The following ANKRD13C variants were observed in gnomAD, a reference collection of about 807,000 sequenced individuals.
ANKRD13C encodes ankyrin repeat domain-containing protein 13C.
ANKRD13C carries 16 observed loss-of-function variants against 65.5 expected under a neutral mutation model. The observed-to-expected ratio is 0.24, with a 90% confidence interval of 0.17 to 0.37. The LOEUF is 0.37. Among genes scored for constraint, ANKRD13C ranks in the 10% least tolerant of loss-of-function variants. ANKRD13C has a pLI of 1.00. For missense variants in ANKRD13C, 503 were observed against 655.9 expected, an observed-to-expected ratio of 0.77 and a Z score of 2.55; for synonymous variants, 235 against 238.7, an observed-to-expected ratio of 0.98 and a Z score of 0.14.
Position 70,342,723 on chromosome 1 carries a change from AACACACACACACAATAAC to A in ANKRD13C, c.431-6642_431-6625del, listed in dbSNP as rs1488359379. On this transcript the variant is annotated intron_variant, in intron 1 of 12. Transcript: ENST00000370944. ...CCATGCTCCAAATGGTAAAGAAAGA[AACACACACACACAATAAC>A]ACACACACACACACACACACACACA... Among the ~76,000 whole-genome samples, 710 of 147,438 alleles carry A rather than the reference AACACACACACACAATAAC, an allele frequency of 4.8e-3. 5 individuals are homozygous for A. Among genetic ancestry groups the A allele is most frequent in the South Asian group, 0.019 (86 of 4,606 alleles).
chr1:70,292,369 G>T lies in ANKRD13C; in HGVS notation c.1215+19C>A. 6.5e-7 allele frequency: 1 copy of T among 1,536,508 alleles called. No individual in the cohort carries two copies. The highest frequency in any genetic ancestry group is 8.7e-7 in the Non-Finnish European group (1 of 1,146,386). The stretch of plus-strand genomic sequence containing the variant: ...TCTCTTCTTAGAAAACTACAAATTA[G>T]AAGAATTAAAAATTATACCTCAAAA... On this transcript the variant is annotated intron_variant, in intron 9 of 12. Coordinates refer to ENST00000370944, the MANE Select transcript of ANKRD13C (RefSeq NM_030816.5).
intron 12 of ANKRD13C, 82 bp from the exon 13 acceptor site, chr1:70,262,929 T>C: frequency 1.1e-6 from 1 of 934,418 alleles, no homozygotes; most frequent in Non-Finnish European, 1.5e-6. Flanking sequence ...GAGATGTCCA[T>C]ACTCCTTAAA....
chr1:70,289,787 A>G (rs967311063), intron 9 of ANKRD13C, among the ~76,000 whole-genome samples: 1 of 152,012 alleles, frequency 6.6e-6, no homozygotes, highest in Non-Finnish European at 1.5e-5. Context: ...GTGTTGCCCA[A>G]ATTTTTAAAA....
chr1:70,306,276 G>A lies in ANKRD13C; in HGVS notation c.724C>T (p.Arg242Ter), dbSNP rs1680585031. 1.9e-6 allele frequency: 3 copies of A among 1,573,600 alleles called. No homozygotes were observed. The highest frequency in any genetic ancestry group is 2.6e-6 in the Non-Finnish European group (3 of 1,157,198). The change falls in exon 6 of 13, where the codon CGA becomes TGA. Residue 242 changes from arginine to a stop codon, truncating the protein, a stop_gained. Coordinates refer to ENST00000370944, the MANE Select transcript of ANKRD13C (RefSeq NM_030816.5). LOFTEE classifies it high-confidence loss of function. ...DFQSWVPLLS[R>*]ILPSDACKIY... Reference sequence around the variant, plus strand: ...TTACATGCATCGGAAGGCAGAATTCGGGAAAGTAAAGGCACTGTATTTTTA... The same window carrying A: ...TTACATGCATCGGAAGGCAGAATTCAGGAAAGTAAAGGCACTGTATTTTTA...
chr1:70,338,553 C>T (rs1366008418), intron 1 of ANKRD13C, among the ~76,000 whole-genome samples: 1 of 152,118 alleles, frequency 6.6e-6, no homozygotes, highest in African/African-American at 2.4e-5. Flanking sequence ...GCGAGTACCA[C>T]TACGCCCGGC....
chr1:70,319,536 G>A (rs888963601), intron 3 of ANKRD13C, among the ~76,000 whole-genome samples: 2 of 149,766 alleles, frequency 1.3e-5, no homozygotes, highest in African/African-American at 5.0e-5. Context: ...GAATCTGAGA[G>A]GCGGAGGCTG....
chr1:70,323,788 G>A (rs1258932239), intron 3 of ANKRD13C, among the ~76,000 whole-genome samples: 15 of 148,546 alleles, frequency 1.0e-4, no homozygotes, highest in Non-Finnish European at 2.1e-4. Flanking sequence ...GCAATGGTGC[G>A]ATCTCGGCTC....
intron 1 of ANKRD13C, among the ~76,000 whole-genome samples, chr1:70,346,778 C>T (rs993656626): frequency 1.3e-5 from 2 of 152,236 alleles, no homozygotes; most frequent in African/African-American, 4.8e-5. Flanking sequence ...CACACAACAG[C>T]CCGAGTGAGC....
chr1:70,315,799 T>C (rs1681048911), intron 3 of ANKRD13C, among the ~76,000 whole-genome samples: 1 of 152,146 alleles, frequency 6.6e-6, no homozygotes, highest in Admixed American at 6.5e-5. Context: ...AGCTGAGACA[T>C]AGAAGTCAGA....
chr1:70,302,318 G>A (rs535079409), intron 6 of ANKRD13C, among the ~76,000 whole-genome samples: 254 of 151,640 alleles, frequency 1.7e-3, no homozygotes, highest in African/African-American at 5.2e-3. Flanking sequence ...GCGGGGGGGC[G>A]GGGGGCTGCC....
intron 4 of ANKRD13C, among the ~76,000 whole-genome samples, chr1:70,314,999 G>T (rs975210190): frequency 4.6e-5 from 7 of 152,170 alleles, no homozygotes; most frequent in African/African-American, 1.4e-4. Context: ...AGCACTCTAG[G>T]AGGCTGAGGC....
At position 70,273,193 on chromosome 1, in the gene ANKRD13C, G is replaced by C. The variant is rs186286036; in HGVS notation, c.1394+1527C>G. ...ATCTACTTATCTAAAGCCTAGATAT[G>C]GGTAAAGCTCAGGTATGTATGTACT... On this transcript the variant is annotated intron_variant, in intron 11 of 12. Transcript: ENST00000370944. Among the ~76,000 whole-genome samples the C allele has an allele frequency of 7.5e-3, 1,142 of 152,078 alleles. 6 individuals are homozygous for C. The highest frequency in any genetic ancestry group is 0.012 in the Non-Finnish European group (835 of 68,004).
chr1:70,286,173 C>T (rs1457513062), intron 9 of ANKRD13C, among the ~76,000 whole-genome samples: 1 of 151,990 alleles, frequency 6.6e-6, no homozygotes, highest in African/African-American at 2.4e-5. Context: ...CCTAATTAAA[C>T]CAAATCAAAT....
intron 5 of ANKRD13C, among the ~76,000 whole-genome samples, chr1:70,312,667 CA>C (rs55916932): frequency 1.7e-3 from 192 of 115,028 alleles, no homozygotes; most frequent in Admixed American, 2.0e-3. Flanking sequence ...ACTCTGTCTC[CA>C]AAAAAAAAAA....
intron 11 of ANKRD13C, among the ~76,000 whole-genome samples, chr1:70,274,018 C>A (rs1218244017): frequency 6.6e-6 from 1 of 151,914 alleles, no homozygotes; most frequent in African/African-American, 2.4e-5. Context: ...ACCATTCCCC[C>A]ATTTTTATTT....
chr1:70,318,615 T>TA (rs931827178), intron 3 of ANKRD13C, among the ~76,000 whole-genome samples: 3 of 152,138 alleles, frequency 2.0e-5, no homozygotes, highest in African/African-American at 7.2e-5. Flanking sequence ...ACCTTAGAGT[T>TA]ACTCTGAATC....
chr1:70,263,463 A>G (rs772886860), intron 12 of ANKRD13C, among the ~76,000 whole-genome samples: 31 of 152,360 alleles, frequency 2.0e-4, no homozygotes, highest in Non-Finnish European at 3.5e-4. Flanking sequence ...TAATGATTAC[A>G]TAAGAATCAG....
At chr1:70,303,689 T>G (rs1393119891) in intron 6 of ANKRD13C, among the ~76,000 whole-genome samples, 1 of 152,238 alleles carries the variant, frequency 6.6e-6, no homozygotes, top group South Asian at 2.1e-4. Context: ...AAAAGTCAAC[T>G]TAAAGATTTC....
chr1:70,276,767 T>C lies in ANKRD13C; in HGVS notation c.1293A>G (p.Gly431=), dbSNP rs1252718258. Residue 431 remains glycine (G), a splice_region_variant and synonymous_variant, in exon 10 of 13, where the codon GGA becomes GGG. Coordinates refer to ENST00000370944, the MANE Select transcript of ANKRD13C (RefSeq NM_030816.5). ...ACATAAACAAGAAAAAAACTTACTT[T>C]CCATTTTCAGCAGATATATATTCTT... The part of the protein sequence containing the change: ...TWEEYISAEN[G]KAPHLGRELV... The C allele has an allele frequency of 6.3e-7, 1 of 1,591,822 alleles. No individual in the cohort carries two copies. Among genetic ancestry groups the C allele is most frequent in the Non-Finnish European group, 8.5e-7 (1 of 1,172,552 alleles).
Sources: allele counts gnomAD v4.1 joint callset (sites outside exome capture counted in the v4.1 genomes callset), GRCh38; gene constraint gnomAD v4.1.1; transcripts MANE v1.5; gene names NCBI Gene and HGNC (gene_info 2026-07-23, HGNC 2026-07-21).